The following KCND3 variants were observed in gnomAD, a reference collection of about 807,000 sequenced individuals.
The protein encoded by KCND3 is potassium voltage-gated channel subfamily D member 3.
Under a neutral mutation model 51.1 loss-of-function variants are expected in KCND3, and 9 were observed. That is an observed-to-expected ratio of 0.18 (90% CI 0.11 to 0.31). KCND3 has a LOEUF of 0.31. Ranked by LOEUF, KCND3 falls within the 10% of genes least tolerant of loss-of-function variation. The pLI, the probability that KCND3 is intolerant of heterozygous loss-of-function variation, is 1.00. For missense variants in KCND3, 526 were observed against 903.8 expected (o/e 0.58, Z 5.36); for synonymous variants, 349 against 368.0 (o/e 0.95, Z 0.59).
At chr1:111,938,937 C>T (rs1672353317) in intron 2 of KCND3, among the ~76,000 whole-genome samples, 1 of 152,202 alleles carries the variant, frequency 6.6e-6, no homozygotes. Context: ...CCTGCAGCTC[C>T]AATGCTGTAC....
At chr1:111,924,099 G>A (rs1671593410) in intron 2 of KCND3, among the ~76,000 whole-genome samples, 1 of 152,218 alleles carries the variant, frequency 6.6e-6, no homozygotes, top group Non-Finnish European at 1.5e-5. Context: ...AGAGAGTTGT[G>A]CATTGCACTC....
chr1:111,939,948 T>C (rs1408514866), intron 2 of KCND3, among the ~76,000 whole-genome samples: 2 of 152,226 alleles, frequency 1.3e-5, no homozygotes, highest in Non-Finnish European at 2.9e-5. Context: ...TGGTATCTCA[T>C]TGTGGTTTTG....
chr1:111,849,942 C>T (rs187214684), intron 2 of KCND3, among the ~76,000 whole-genome samples: 36 of 152,232 alleles, frequency 2.4e-4, no homozygotes, highest in Non-Finnish European at 4.4e-4. Flanking sequence ...GCCTCCTCCC[C>T]GTGGGCCCTC....
chr1:111,890,223 G>A (rs766440298), intron 2 of KCND3, among the ~76,000 whole-genome samples: 14 of 152,230 alleles, frequency 9.2e-5, no homozygotes, highest in Non-Finnish European at 1.9e-4. Context: ...GAATGCAAGT[G>A]AAGACCAGCT....
At chr1:111,777,950 G>A (rs936864879) in intron 6 of KCND3, among the ~76,000 whole-genome samples, 15 of 152,140 alleles carry the variant, frequency 9.9e-5, no homozygotes, top group African/African-American at 3.4e-4. Flanking sequence ...ATTGGGATGG[G>A]GTATAGCTGA....
intron 2 of KCND3, among the ~76,000 whole-genome samples, chr1:111,912,604 G>A (rs1045121644): frequency 1.3e-5 from 2 of 152,190 alleles, no homozygotes; most frequent in East Asian, 3.8e-4. Context: ...ATGGCTCCAT[G>A]CATGTTATTG....
intron 2 of KCND3, among the ~76,000 whole-genome samples, chr1:111,843,344 G>A (rs906488444): frequency 6.6e-6 from 1 of 152,236 alleles, no homozygotes; most frequent in Admixed American, 6.5e-5. Context: ...GGAGAGGGCT[G>A]CATTCCCTTG....
At chr1:111,894,828 C>T (rs985104100) in intron 2 of KCND3, among the ~76,000 whole-genome samples, 3 of 152,144 alleles carry the variant, frequency 2.0e-5, no homozygotes, top group African/African-American at 7.2e-5. Flanking sequence ...ATTTCTTTCT[C>T]CTAAACACAT....
intron 2 of KCND3, among the ~76,000 whole-genome samples, chr1:111,974,950 C>T (rs1490537098): frequency 3.9e-5 from 6 of 152,158 alleles, no homozygotes; most frequent in Admixed American, 2.6e-4. Flanking sequence ...TGTGAAGCAC[C>T]CAAAAGGCTC....
intron 2 of KCND3, among the ~76,000 whole-genome samples, chr1:111,870,174 T>C (rs1392753760): frequency 3.9e-5 from 6 of 152,184 alleles, no homozygotes; most frequent in African/African-American, 1.4e-4. Context: ...ACAGAGAAGA[T>C]AAGCAACTTG....
chr1:111,784,584 G>A (rs1187600464), intron 3 of KCND3, among the ~76,000 whole-genome samples: 1 of 152,184 alleles, frequency 6.6e-6, no homozygotes, highest in East Asian at 1.9e-4. Context: ...TCTGGGCTGA[G>A]AACTATCATT....
chr1:111,930,473 T>C (rs1348580116), intron 2 of KCND3, among the ~76,000 whole-genome samples: 3 of 152,240 alleles, frequency 2.0e-5, no homozygotes, highest in Non-Finnish European at 4.4e-5. Context: ...GATGGATAAC[T>C]GAATCAGTGT....
intron 2 of KCND3, among the ~76,000 whole-genome samples, chr1:111,935,148 C>T (rs1393762885): frequency 6.6e-6 from 1 of 152,196 alleles, no homozygotes; most frequent in East Asian, 1.9e-4. Flanking sequence ...TCTCAAATTC[C>T]CAAGGACGAA....
At chr1:111,838,377 T>A (rs1011031313) in intron 2 of KCND3, among the ~76,000 whole-genome samples, 1 of 152,200 alleles carries the variant, frequency 6.6e-6, no homozygotes, top group African/African-American at 2.4e-5. Context: ...TATCTTTTAC[T>A]GTTACTTATA....
intron 2 of KCND3, among the ~76,000 whole-genome samples, chr1:111,939,390 C>A (rs1054509261): frequency 4.6e-5 from 7 of 152,090 alleles, no homozygotes; most frequent in Non-Finnish European, 1.0e-4. Flanking sequence ...GTTCCCCACC[C>A]CCCAACAGGC....
chr1:111,910,957 C>T (rs1050932368), intron 2 of KCND3: 2 of 152,198 alleles, frequency 1.3e-5, no homozygotes, highest in Non-Finnish European at 2.9e-5. Context: ...TAATCAATTG[C>T]TCTGGCATCA....
chr1:111,873,043 A>T (rs1166367250), intron 2 of KCND3, among the ~76,000 whole-genome samples: 1 of 152,224 alleles, frequency 6.6e-6, no homozygotes, highest in Non-Finnish European at 1.5e-5. Context: ...GGCTTCCCAG[A>T]GTCTGAAGAT....
chr1:111,854,831 T>C (rs970526284), intron 2 of KCND3, among the ~76,000 whole-genome samples: 1 of 152,196 alleles, frequency 6.6e-6, no homozygotes, highest in Non-Finnish European at 1.5e-5. Flanking sequence ...GCTGCTGAGC[T>C]GGAGCCTCCT....
intron 2 of KCND3, among the ~76,000 whole-genome samples, chr1:111,824,224 C>T (rs924698313): frequency 2.0e-5 from 3 of 151,920 alleles, no homozygotes; most frequent in African/African-American, 7.3e-5. Context: ...CTGACAGCTC[C>T]ACGTGGAGAG....
Sources: allele counts gnomAD v4.1 joint callset (sites outside exome capture counted in the v4.1 genomes callset), GRCh38; gene constraint gnomAD v4.1.1; transcripts MANE v1.5; gene names NCBI Gene and HGNC (gene_info 2026-07-23, HGNC 2026-07-21).